HERC4: variants seen among roughly 807,000 people sequenced by gnomAD.
HERC4 encodes the protein HECT and RLD domain containing E3 ubiquitin protein ligase 4.
In HERC4, 28 loss-of-function variants were observed where a neutral mutation model predicts 124.3. The observed-to-expected ratio is 0.23, with a 90% CI of 0.17 to 0.31. HERC4 has a LOEUF of 0.31. HERC4 is among the 10% of genes least tolerant of loss of function. The pLI, the probability that HERC4 is intolerant of heterozygous loss-of-function variation, is 1.00. For synonymous variants in HERC4, 407 were observed against 421.5 expected (o/e 0.97, Z 0.42); for missense variants, 713 against 1,229.3 (o/e 0.58, Z 6.28).
At chr10:67,931,771 T>C (rs929750523) in intron 23 of HERC4, among the ~76,000 whole-genome samples, 10 of 151,968 alleles carry the variant, frequency 6.6e-5, no homozygotes, top group Non-Finnish European at 8.8e-5. Context: ...ATTTTTGTTT[T>C]CTTTTGAGAC....
intron 4 of HERC4, 94 bp downstream of exon 4, chr10:68,044,310 A>G (rs1275641028): frequency 1.8e-5 from 22 of 1,217,208 alleles, no homozygotes; most frequent in Non-Finnish European, 2.5e-5. Flanking sequence ...ATGAGATGTC[A>G]ACTCTTACAG....
At chr10:68,072,209 A>G (rs1442369185) in intron 3 of HERC4, among the ~76,000 whole-genome samples, 2 of 152,192 alleles carry the variant, frequency 1.3e-5, no homozygotes, top group Admixed American at 6.5e-5. Context: ...TGATTTTAAA[A>G]TACAATATCC....
At chr10:68,069,770 C>T (rs137998842) in intron 3 of HERC4, 34 of 985,154 alleles carry the variant, frequency 3.5e-5, no homozygotes, top group Admixed American at 1.8e-4. Flanking sequence ...CAGCTGGGCA[C>T]GGTGGCTCAC....
intron 19 of HERC4, among the ~76,000 whole-genome samples, chr10:67,949,859 A>C (rs1301433527): frequency 6.6e-6 from 1 of 152,070 alleles, no homozygotes; most frequent in Non-Finnish European, 1.5e-5. Flanking sequence ...CTCTACCAAC[A>C]ATATAAAAAA....
intron 16 of HERC4, among the ~76,000 whole-genome samples, chr10:67,964,207 G>A (rs1031826043): frequency 6.7e-6 from 1 of 149,350 alleles, no homozygotes; most frequent in African/African-American, 2.5e-5. Context: ...ACCCAAGAAT[G>A]GTATTATCAA....
chr10:68,042,267 A>G (rs999963195), intron 4 of HERC4, among the ~76,000 whole-genome samples: 2 of 151,902 alleles, frequency 1.3e-5, no homozygotes, highest in Admixed American at 6.6e-5. Flanking sequence ...TCGGCCTCCC[A>G]AAGTGCTGGG....
At chr10:68,040,709 T>A (rs1021592065) in intron 4 of HERC4, among the ~76,000 whole-genome samples, 2 of 151,688 alleles carry the variant, frequency 1.3e-5, no homozygotes, top group African/African-American at 4.8e-5. Flanking sequence ...GCCAAAATGG[T>A]GAAACCCCGT....
intron 8 of HERC4, among the ~76,000 whole-genome samples, 175 bp downstream of exon 8, chr10:68,025,366 TAAATA>T (rs1302333214): frequency 6.6e-6 from 1 of 152,108 alleles, no homozygotes; most frequent in Non-Finnish European, 1.5e-5. Context: ...CAAGTAAAAA[TAAATA>T]AAATAACAGT....
intron 4 of HERC4, chr10:68,039,411 C>T: frequency 6.5e-7 from 1 of 1,550,324 alleles, no homozygotes; most frequent in Non-Finnish European, 8.7e-7. Context: ...GATACTGTCA[C>T]CTGACCTGAT....
At chr10:67,993,452 G>T (rs2036670275) in intron 9 of HERC4, 1 of 151,686 alleles carries the variant, frequency 6.6e-6, no homozygotes, top group Non-Finnish European at 1.5e-5. Context: ...CCAGTTCAAA[G>T]CTGCAGTATG....
intron 10 of HERC4, 114 bp from the exon 11 acceptor site, chr10:67,992,437 C>T: frequency 7.3e-7 from 1 of 1,378,804 alleles, no homozygotes; most frequent in Non-Finnish European, 9.9e-7. Context: ...CTCCTGAACA[C>T]CTGAAACAAA....
At chr10:67,952,773 G>C (rs970757970) in intron 19 of HERC4, among the ~76,000 whole-genome samples, 1 of 151,648 alleles carries the variant, frequency 6.6e-6, no homozygotes, top group Admixed American at 6.6e-5. Context: ...GGTGGCAGGC[G>C]CCTGTAGTCC....
At chr10:68,039,861 ACTATT>A in intron 4 of HERC4, 1 of 998,328 alleles carries the variant, frequency 1.0e-6, no homozygotes, top group Non-Finnish European at 1.2e-6. Flanking sequence ...AAAAAAAAAC[ACTATT>A]CTGAGTATCA....
chr10:67,929,168 A>G (rs1335567528), intron 23 of HERC4, among the ~76,000 whole-genome samples: 2 of 152,192 alleles, frequency 1.3e-5, no homozygotes, highest in African/African-American at 2.4e-5. Context: ...ATGTTTAACT[A>G]GAAGTCCTAA....
At chr10:67,986,456 G>A (rs1408863689) in intron 15 of HERC4, among the ~76,000 whole-genome samples, 3 of 152,110 alleles carry the variant, frequency 2.0e-5, no homozygotes, top group Admixed American at 6.6e-5. Flanking sequence ...GGGTTCAAGC[G>A]ATTCTCTTGC....
chr10:68,022,975 T>C lies in HERC4; in HGVS notation c.908+2571A>G, dbSNP rs1300631191. Among the ~76,000 whole-genome samples, 4 of 150,684 alleles carry C rather than the reference T, an allele frequency of 2.7e-5. No homozygotes were observed. In the East Asian group the frequency reaches 7.8e-4, roughly 29 times the overall value. ...AAATGCAAATCAAAACCACAGGAGA[T>C]AACATGTTACACGTATTAAAATAGG... On this transcript the variant is annotated intron_variant, in intron 8 of 24. Transcript: ENST00000373700.
chr10:67,927,430 A>ATATTTTTTTT (rs1564911511), intron 23 of HERC4, among the ~76,000 whole-genome samples: 1 of 37,920 alleles, frequency 2.6e-5, no homozygotes, highest in African/African-American at 5.8e-5. Flanking sequence ...ATATATATAT[A>ATATTTTTTTT]TTTTTTTTTT....
chr10:67,978,259 C>T (rs534231271), intron 15 of HERC4, among the ~76,000 whole-genome samples: 189 of 152,290 alleles, frequency 1.2e-3, no homozygotes, highest in African/African-American at 4.1e-3. Flanking sequence ...CAGGAGACTC[C>T]GTCTCCAAAC....
chr10:67,948,211 T>C (rs2033532395), intron 19 of HERC4, among the ~76,000 whole-genome samples: 1 of 152,078 alleles, frequency 6.6e-6, no homozygotes, highest in Non-Finnish European at 1.5e-5. Context: ...GAACAAACTA[T>C]ACCCAAAGCT....
Sources: allele counts gnomAD v4.1 joint callset (sites outside exome capture counted in the v4.1 genomes callset), GRCh38; gene constraint gnomAD v4.1.1; transcripts MANE v1.5; gene names NCBI Gene and HGNC (gene_info 2026-07-23, HGNC 2026-07-21).